Variants in BMP2K observed in about 807,000 individuals in gnomAD.
BMP2K encodes the protein BMP-2-inducible protein kinase.
A neutral mutation model predicts 116.0 loss-of-function variants in BMP2K; 74 were observed. The ratio of observed to expected loss-of-function variants is 0.64; its 90% CI spans 0.53 to 0.77. BMP2K has a LOEUF of 0.77. Ranked by LOEUF, BMP2K falls within the 30% of genes least tolerant of loss-of-function variation. The pLI is 0.00. For missense variants in BMP2K, 1,365 were observed against 1,403.6 expected (o/e 0.97, Z 0.44); for synonymous variants, 486 against 502.5 (o/e 0.97, Z 0.44).
intron 7 of BMP2K, among the ~76,000 whole-genome samples, chr4:78,852,712 C>T (rs374019930): frequency 1.9e-4 from 29 of 152,166 alleles, no homozygotes; most frequent in South Asian, 1.2e-3. Context: ...CTCAAGTGAT[C>T]CTCCCACCTC....
chr4:78,891,251 G>A (rs750670685), intron 15 of BMP2K, among the ~76,000 whole-genome samples: 23 of 152,004 alleles, frequency 1.5e-4, no homozygotes, highest in South Asian at 6.2e-4. Flanking sequence ...GTGAACTGTG[G>A]TAGGTTTCTT....
At chr4:78,783,039 G>A (rs1727581306) in intron 1 of BMP2K, among the ~76,000 whole-genome samples, 1 of 152,172 alleles carries the variant, frequency 6.6e-6, no homozygotes. Context: ...GAACTTTTAA[G>A]TTCCGATTTG....
chr4:78,847,137 T>TA, intron 5 of BMP2K, 51 bp from the exon 6 acceptor site: 1 of 1,034,040 alleles, frequency 9.7e-7, no homozygotes, highest in African/African-American at 1.7e-5. Context: ...ATCTGTCTTT[T>TA]TTTTATATAT....
intron 6 of BMP2K, among the ~76,000 whole-genome samples, chr4:78,848,035 A>G (rs1199619703): frequency 6.6e-6 from 1 of 151,668 alleles, no homozygotes; most frequent in Non-Finnish European, 1.5e-5. Flanking sequence ...TAATGTACAG[A>G]AAATTGTCAG....
At chr4:78,786,493 G>T (rs1477434279) in intron 1 of BMP2K, among the ~76,000 whole-genome samples, 1 of 151,622 alleles carries the variant, frequency 6.6e-6, no homozygotes, top group Non-Finnish European at 1.5e-5. Flanking sequence ...GAGTGCAGTG[G>T]TGTGATCATA....
At chr4:78,909,799 C>A (rs949511730) in intron 15 of BMP2K, among the ~76,000 whole-genome samples, 1 of 152,138 alleles carries the variant, frequency 6.6e-6, no homozygotes, top group Non-Finnish European at 1.5e-5. Context: ...TGACTGTAAA[C>A]CCCTGAAAGC....
rs138012278 is a variant in BMP2K at position 78,900,059 on chromosome 4, C to G, written c.2063-10551C>G. Among the ~76,000 whole-genome samples, 675 of 152,256 alleles carry G rather than the reference C, an allele frequency of 4.4e-3. 2 individuals are homozygous for G. The highest frequency in any genetic ancestry group is 0.015 in the African/African-American group (638 of 41,548). ...ATACACTAATTTTCTTTCGCCTCTG[C>G]TATCCCTATCTTCTTTTGTGTCTAA... On this transcript the variant is annotated intron_variant, in intron 15 of 15. Coordinates refer to ENST00000502613, the MANE Select transcript of BMP2K (RefSeq NM_198892.2).
At chr4:78,844,035 C>T (rs954035632) in intron 4 of BMP2K, among the ~76,000 whole-genome samples, 1 of 151,214 alleles carries the variant, frequency 6.6e-6, no homozygotes, top group South Asian at 2.1e-4. Flanking sequence ...AACAGTATTT[C>T]GATAAAATGG....
At chr4:78,888,861 G>GA (rs1425209880) in intron 15 of BMP2K, among the ~76,000 whole-genome samples, 2 of 152,064 alleles carry the variant, frequency 1.3e-5, no homozygotes, top group Non-Finnish European at 2.9e-5. Flanking sequence ...TGAATGTGCA[G>GA]AAAAAAATCA....
chr4:78,865,766 T>G, intron 10 of BMP2K, 46 bp downstream of exon 10: 1 of 1,574,748 alleles, frequency 6.4e-7, no homozygotes, highest in Admixed American at 1.7e-5. Flanking sequence ...TTAATGTTAA[T>G]AAACCTTTCA....
At chr4:78,798,451 C>G (rs1728405807) in intron 1 of BMP2K, among the ~76,000 whole-genome samples, 1 of 152,156 alleles carries the variant, frequency 6.6e-6, no homozygotes, top group African/African-American at 2.4e-5. Context: ...AACTGGTTTT[C>G]TTTTCTTAGC....
At chr4:78,910,539 T>C in intron 15 of BMP2K, 71 bp from the exon 16 acceptor site, 1 of 1,226,630 alleles carries the variant, frequency 8.2e-7, no homozygotes, top group Non-Finnish European at 1.1e-6. Context: ...GTGTAATACA[T>C]ATTAACATTT....
In BMP2K at chr4:78,914,215, T is replaced by TTAG. The variant is rs1734852910; in HGVS notation, c.*2182_*2183insTAG. Reference sequence around the variant, plus strand: ...GTCTCCTTCAGATGTAAACATGAAATACCTAGAGTTTTACTTGCTTTTCAA... The same window carrying TTAG: ...GTCTCCTTCAGATGTAAACATGAAATTAGACCTAGAGTTTTACTTGCTTTTCAA... On this transcript the variant is annotated 3_prime_UTR_variant, in exon 16 of 16. Coordinates refer to ENST00000502613, the MANE Select transcript of BMP2K (RefSeq NM_198892.2). 6.6e-6 allele frequency: 1 copy of TTAG among 152,084 alleles called. No individual in the cohort carries two copies. 9.4% of individuals were successfully genotyped at this position (152,084 alleles called of 1,614,324 possible). A position where few individuals can be genotyped will look rare whatever the true frequency, so the allele number is the denominator to read the frequency against.
chr4:78,909,053 GTCT>G (rs1734431304), intron 15 of BMP2K, among the ~76,000 whole-genome samples: 3 of 122,838 alleles, frequency 2.4e-5, no homozygotes, highest in Non-Finnish European at 3.4e-5. Context: ...CCTTCCCTTA[GTCT>G]TTTTTTTTTT....
chr4:78,911,756 G>T lies in BMP2K; in HGVS notation c.3209G>T (p.Gly1070Val), dbSNP rs375866667. The change falls in exon 16 of 16, where the codon GGT (glycine) becomes GTT (valine). Residue 1070 changes from glycine (G) to valine (V), a missense_variant. Around this residue, in one of 3 missense-constraint regions of BMP2K, gnomAD observed 596 missense variants for 623.2 expected, o/e 0.96. Coordinates refer to ENST00000502613, the MANE Select transcript of BMP2K (RefSeq NM_198892.2). ...QPEESLLDPF[G>V]AKPFHSPDLS... ...GAGGAGAGCCTGTTGGACCCCTTCGGTGCCAAGCCCTTCCATTCTCCAGAC... is the reference window on the plus strand; with the variant it reads ...GAGGAGAGCCTGTTGGACCCCTTCGTTGCCAAGCCCTTCCATTCTCCAGAC... 2.7e-5 allele frequency: 43 copies of T among 1,613,848 alleles called. No individual in the cohort carries two copies. In the African/African-American group the frequency reaches 5.6e-4, roughly 21 times the overall value.
chr4:78,879,000 C>T, intron 14 of BMP2K, 109 bp downstream of exon 14: 1 of 1,501,778 alleles, frequency 6.7e-7, no homozygotes, highest in Non-Finnish European at 8.8e-7. Context: ...TCTTTTTGTG[C>T]ATTTGAGGGC....
intron 1 of BMP2K, among the ~76,000 whole-genome samples, chr4:78,793,736 G>T (rs2109938887): frequency 6.6e-6 from 1 of 151,684 alleles, no homozygotes; most frequent in Non-Finnish European, 1.5e-5. Flanking sequence ...AATGCACTTG[G>T]ATATAAAAGC....
chr4:78,815,745 G>C (rs1729306756), intron 1 of BMP2K, among the ~76,000 whole-genome samples: 1 of 152,158 alleles, frequency 6.6e-6, no homozygotes, highest in East Asian at 1.9e-4. Flanking sequence ...AATAGGGACT[G>C]TACAAGATAA....
chr4:78,891,077 A>G (rs1733408598), intron 15 of BMP2K, among the ~76,000 whole-genome samples: 2 of 152,138 alleles, frequency 1.3e-5, no homozygotes, highest in Non-Finnish European at 2.9e-5. Context: ...AAAAGTTTGT[A>G]TTTTCCCTAA....
Sources: allele counts gnomAD v4.1 joint callset (sites outside exome capture counted in the v4.1 genomes callset), GRCh38; gene constraint gnomAD v4.1.1; regional missense constraint gnomAD v4.1.1; transcripts MANE v1.5; gene names NCBI Gene and HGNC (gene_info 2026-07-23, HGNC 2026-07-21).